Variants in ATG10 observed in about 807,000 individuals in gnomAD.
The protein encoded by ATG10 is autophagy related 10.
A neutral mutation model predicts 32.1 loss-of-function variants in ATG10; 30 were observed. The observed-to-expected ratio is 0.94, with a 90% confidence interval of 0.70 to 1.27. The LOEUF (loss-of-function observed/expected upper bound fraction) is 1.27. Among genes scored for constraint, ATG10 ranks in the 50% most tolerant of loss-of-function variants. The pLI, the probability that ATG10 is intolerant of heterozygous loss-of-function variation, is 0.00. For missense variants in ATG10, 233 were observed against 262.3 expected (o/e 0.89, Z 0.77); for synonymous variants, 87 against 91.5 (o/e 0.95, Z 0.28).
At chr5:82,202,808 C>T (rs1174576291) in intron 5 of ATG10, among the ~76,000 whole-genome samples, 1 of 152,194 alleles carries the variant, frequency 6.6e-6, no homozygotes, top group African/African-American at 2.4e-5. Flanking sequence ...CATACTGTTC[C>T]CTTTTCCAGT....
chr5:82,230,603 C>T (rs533589283), intron 5 of ATG10, among the ~76,000 whole-genome samples: 2 of 151,590 alleles, frequency 1.3e-5, no homozygotes, highest in South Asian at 2.1e-4. Context: ...TGTGGTGGCA[C>T]GCTCCTGTAG....
chr5:82,162,959 G>C (rs927396395), intron 3 of ATG10, among the ~76,000 whole-genome samples: 3 of 152,050 alleles, frequency 2.0e-5, no homozygotes, highest in African/African-American at 7.2e-5. Flanking sequence ...AGGTATAGGA[G>C]TGCTGAGATG....
intron 2 of ATG10, among the ~76,000 whole-genome samples, chr5:82,053,359 G>A (rs966564569): frequency 6.6e-6 from 1 of 151,972 alleles, no homozygotes; most frequent in Admixed American, 6.6e-5. Context: ...TTTATATTTT[G>A]AGGAAATTAA....
chr5:82,226,565 T>G (rs1746140036), intron 5 of ATG10, among the ~76,000 whole-genome samples: 1 of 152,184 alleles, frequency 6.6e-6, no homozygotes, highest in African/African-American at 2.4e-5. Context: ...CAATTAGGAT[T>G]ATAATGGAAG....
chr5:82,229,335 C>G lies in ATG10; in HGVS notation c.454-23227C>G, dbSNP rs563983905. On this transcript the variant is annotated intron_variant, in intron 5 of 7. Transcript: ENST00000282185. ...GAACATGCTAGAAAGGAACTATTTT[C>G]TACTTTAAAAAATAAGTGTTGAAGA... Among the ~76,000 whole-genome samples the G allele has an allele frequency of 6.1e-4, 93 of 152,326 alleles. 1 individual carries two copies. In the South Asian group the frequency reaches 0.019, roughly 31 times the overall value.
At chr5:82,114,711 A>G (rs1189662553) in intron 3 of ATG10, among the ~76,000 whole-genome samples, 1 of 152,060 alleles carries the variant, frequency 6.6e-6, no homozygotes. Flanking sequence ...GAGAGTCCCC[A>G]GTGATTCGGC....
At chr5:82,033,743 C>G (rs1297599608) in intron 2 of ATG10, among the ~76,000 whole-genome samples, 16 of 151,602 alleles carry the variant, frequency 1.1e-4, no homozygotes, top group Admixed American at 7.2e-4. Flanking sequence ...CACACACACA[C>G]ACACACACAC....
At chr5:82,038,315 A>G (rs1762993147) in intron 2 of ATG10, among the ~76,000 whole-genome samples, 1 of 152,174 alleles carries the variant, frequency 6.6e-6, no homozygotes, top group South Asian at 2.1e-4. Context: ...GGGAGAGAGC[A>G]TTTATCCATT....
intron 2 of ATG10, among the ~76,000 whole-genome samples, chr5:82,043,922 C>T (rs1763160188): frequency 6.6e-6 from 1 of 152,094 alleles, no homozygotes; most frequent in South Asian, 2.1e-4. Context: ...TTCCTATCTT[C>T]TTCTGAGCCC....
chr5:82,115,934 G>A (rs1765794496), intron 3 of ATG10, among the ~76,000 whole-genome samples: 1 of 152,072 alleles, frequency 6.6e-6, no homozygotes, highest in Admixed American at 6.6e-5. Context: ...TAAGAGAAGT[G>A]GAATTGATAC....
At chr5:82,171,635 G>T (rs919859787) in intron 4 of ATG10, among the ~76,000 whole-genome samples, 3 of 152,206 alleles carry the variant, frequency 2.0e-5, no homozygotes, top group Non-Finnish European at 4.4e-5. Context: ...AATTGGAAGT[G>T]TGTTTGGATA....
At chr5:82,229,480 T>C (rs1414170818) in intron 5 of ATG10, among the ~76,000 whole-genome samples, 1 of 152,240 alleles carries the variant, frequency 6.6e-6, no homozygotes, top group African/African-American at 2.4e-5. Context: ...CACTTTCTTA[T>C]TGGGCAAGTT....
At chr5:82,057,483 A>G (rs1459015969) in intron 2 of ATG10, among the ~76,000 whole-genome samples, 1 of 152,166 alleles carries the variant, frequency 6.6e-6, no homozygotes, top group Non-Finnish European at 1.5e-5. Flanking sequence ...TCCAGTCTTC[A>G]TCTTCACATG....
In ATG10 at chr5:82,255,741, G is replaced by T. The variant is rs1411058348; in HGVS notation, c.*1678G>T. 2.0e-5 allele frequency: 3 copies of T among 152,176 alleles called. No homozygotes were observed. Among genetic ancestry groups the T allele is most frequent in the Admixed American group, 1.3e-4 (2 of 15,278 alleles). The allele number at this position is 152,176 out of a possible 1,614,324, so 9.4% of individuals were successfully genotyped here. A position where few individuals can be genotyped will look rare whatever the true frequency, so the allele number is the denominator to read the frequency against. On this transcript the variant is annotated 3_prime_UTR_variant, in exon 8 of 8. Transcript: ENST00000282185. ...ACATGGATAGTAAGGAAGCTTAGGA[G>T]ACATGTACACAAGGCAGCCCACTTG...
intron 2 of ATG10, among the ~76,000 whole-genome samples, chr5:82,015,323 A>G (rs1762253994): frequency 1.3e-5 from 2 of 152,206 alleles, no homozygotes; most frequent in Non-Finnish European, 1.5e-5. Flanking sequence ...GCTCTTCTCG[A>G]GGAGTATCTT....
intron 2 of ATG10, among the ~76,000 whole-genome samples, chr5:82,008,593 T>C (rs1446850552): frequency 6.6e-6 from 1 of 152,226 alleles, no homozygotes; most frequent in Non-Finnish European, 1.5e-5. Flanking sequence ...TTTAAAATGA[T>C]AGTAATTGTG....
chr5:82,082,460 C>G (rs986542995), intron 3 of ATG10, among the ~76,000 whole-genome samples: 1 of 152,158 alleles, frequency 6.6e-6, no homozygotes, highest in Non-Finnish European at 1.5e-5. Context: ...CTTTTTCTTT[C>G]AATTACTTGA....
intron 2 of ATG10, among the ~76,000 whole-genome samples, chr5:82,049,708 A>G (rs1255055228): frequency 6.6e-6 from 1 of 152,200 alleles, no homozygotes; most frequent in Non-Finnish European, 1.5e-5. Flanking sequence ...GTAGTAACCT[A>G]AGAAAGAAGT....
chr5:82,051,318 T>C (rs959884593), intron 2 of ATG10, among the ~76,000 whole-genome samples: 1 of 152,168 alleles, frequency 6.6e-6, no homozygotes, highest in African/African-American at 2.4e-5. Context: ...CTCAGCTTCC[T>C]TAAGTGGAAT....
Sources: allele counts gnomAD v4.1 joint callset (sites outside exome capture counted in the v4.1 genomes callset), GRCh38; gene constraint gnomAD v4.1.1; transcripts MANE v1.5; gene names NCBI Gene and HGNC (gene_info 2026-07-23, HGNC 2026-07-21).